The following VPS35L variants were observed in gnomAD, a reference collection of about 807,000 sequenced individuals.
VPS35L encodes the protein VPS35 endosomal protein sorting factor like.
VPS35L carries 83 observed loss-of-function variants against 133.0 expected under a neutral mutation model. The observed-to-expected ratio is 0.62, with a 90% CI of 0.52 to 0.75. The LOEUF (loss-of-function observed/expected upper bound fraction) is 0.75. Ranked by LOEUF, VPS35L falls within the 30% of genes least tolerant of loss-of-function variation. VPS35L has a pLI of 0.00. For synonymous variants in VPS35L, 423 were observed against 449.9 expected (o/e 0.94, Z 0.76); for missense variants, 1,083 against 1,206.8 (o/e 0.90, Z 1.52).
At chr16:19,603,268 T>C (rs1273267081) in intron 9 of VPS35L, among the ~76,000 whole-genome samples, 1 of 152,088 alleles carries the variant, frequency 6.6e-6, no homozygotes, top group South Asian at 2.1e-4. Flanking sequence ...GCCTTGCTCT[T>C]TCTTAGTGCT....
chr16:19,675,803 G>A (rs923045051), intron 27 of VPS35L, among the ~76,000 whole-genome samples: 1 of 149,930 alleles, frequency 6.7e-6, no homozygotes, highest in Non-Finnish European at 1.5e-5. Context: ...GCCCCCCTCC[G>A]CCTCCCAAAG....
At chr16:19,670,732 T>A (rs557840510) in intron 27 of VPS35L, among the ~76,000 whole-genome samples, 1 of 152,234 alleles carries the variant, frequency 6.6e-6, no homozygotes, top group Non-Finnish European at 1.5e-5. Context: ...GCAGGAGGAA[T>A]TCCTGGACCC....
chr16:19,600,069 AG>A (rs1327101828), intron 8 of VPS35L, among the ~76,000 whole-genome samples: 1 of 152,092 alleles, frequency 6.6e-6, no homozygotes, highest in African/African-American at 2.4e-5. Context: ...GTAGATAGGA[AG>A]GTATTTAGGT....
intron 26 of VPS35L, among the ~76,000 whole-genome samples, chr16:19,654,771 A>G (rs1291739724): frequency 6.6e-6 from 1 of 152,144 alleles, no homozygotes; most frequent in African/African-American, 2.4e-5. Flanking sequence ...TACTAGGAAC[A>G]AATTGTGAGC....
At chr16:19,682,482 C>A in intron 28 of VPS35L, 92 bp downstream of exon 28, 1 of 1,386,316 alleles carries the variant, frequency 7.2e-7, no homozygotes, top group Non-Finnish European at 9.8e-7. Flanking sequence ...TTTTTCCTCC[C>A]TTGTATTTTA....
chr16:19,594,569 G>A (rs543901639), intron 8 of VPS35L, among the ~76,000 whole-genome samples: 24 of 146,998 alleles, frequency 1.6e-4, no homozygotes, highest in African/African-American at 5.6e-4. Context: ...GCTTGAACCC[G>A]GGAGGTGGAA....
chr16:19,680,797 C>T (rs947742180), intron 27 of VPS35L, among the ~76,000 whole-genome samples: 2 of 152,032 alleles, frequency 1.3e-5, no homozygotes, highest in African/African-American at 4.8e-5. Context: ...GTAGTCCCAG[C>T]ACCTCAGGAG....
chr16:19,677,308 C>T (rs1346224950), intron 27 of VPS35L, among the ~76,000 whole-genome samples: 1 of 152,118 alleles, frequency 6.6e-6, no homozygotes, highest in Non-Finnish European at 1.5e-5. Flanking sequence ...TGATCTTGAA[C>T]TCCTGACCTC....
chr16:19,677,553 C>T (rs938285470), intron 27 of VPS35L, among the ~76,000 whole-genome samples: 2 of 152,084 alleles, frequency 1.3e-5, no homozygotes, highest in African/African-American at 2.4e-5. Flanking sequence ...CATTCTGGGC[C>T]GAGGACACAG....
intron 3 of VPS35L, among the ~76,000 whole-genome samples, chr16:19,572,645 C>G (rs763979168): frequency 9.9e-5 from 15 of 152,042 alleles, no homozygotes; most frequent in Non-Finnish European, 2.1e-4. Flanking sequence ...TGAGTTTGAG[C>G]ATTTTTTGAT....
intron 5 of VPS35L, among the ~76,000 whole-genome samples, chr16:19,577,911 G>T (rs1971585365): frequency 6.6e-6 from 1 of 152,188 alleles, no homozygotes; most frequent in East Asian, 1.9e-4. Context: ...CAGCCTTTAG[G>T]ACTGCGAGAA....
In VPS35L at chr16:19,633,035, T is replaced by C; in HGVS notation, c.1555-57T>C. 7.4e-7 allele frequency: 1 copy of C among 1,345,340 alleles called. No homozygotes were observed. Among genetic ancestry groups the C allele is most frequent in the Non-Finnish European group, 1.1e-6 (1 of 936,258 alleles). 83.3% of individuals were successfully genotyped at this position (1,345,340 alleles called of 1,614,324 possible). Reference sequence around the variant, plus strand: ...ACGTTAGTCCTTTCCCCCAGGAACATGGTCAGCAGTTGCCATACAGTGTCT... The same window carrying C: ...ACGTTAGTCCTTTCCCCCAGGAACACGGTCAGCAGTTGCCATACAGTGTCT... On this transcript the variant is annotated intron_variant, in intron 18 of 30. Transcript: ENST00000417362. The surrounding 1 kb of genome is among the most constrained non-coding windows in gnomAD (Gnocchi z 4.1).
At position 19,659,018 on chromosome 16, in the gene VPS35L, T is replaced by A. The variant is rs954995597; in HGVS notation, c.2221+6928T>A. ...TCTGGATTTAACCACTGTGCCTCTCTATATTAGGTTAGTTCTTCTATATCA... is the reference window on the plus strand; with the variant it reads ...TCTGGATTTAACCACTGTGCCTCTCAATATTAGGTTAGTTCTTCTATATCA... On this transcript the variant is annotated intron_variant, in intron 26 of 30. Coordinates refer to ENST00000417362, the MANE Select transcript of VPS35L (RefSeq NM_020314.7). Among the ~76,000 whole-genome samples the A allele has an allele frequency of 2.6e-4, 39 of 152,230 alleles. 1 individual carries two copies. The highest frequency in any genetic ancestry group is 1.2e-4 in the Non-Finnish European group (8 of 68,040).
chr16:19,556,674 G>C (rs544263648), intron 1 of VPS35L, among the ~76,000 whole-genome samples: 1 of 152,300 alleles, frequency 6.6e-6, no homozygotes, highest in East Asian at 1.9e-4. Flanking sequence ...GAAATAATCA[G>C]GTACAACCTT....
At chr16:19,662,539 G>A (rs1022720812) in intron 26 of VPS35L, among the ~76,000 whole-genome samples, 1 of 152,144 alleles carries the variant, frequency 6.6e-6, no homozygotes, top group East Asian at 1.9e-4. Context: ...CAAAGGTCTC[G>A]AGTAAACACC....
intron 4 of VPS35L, 64 bp downstream of exon 4, chr16:19,573,305 G>A: frequency 6.5e-7 from 1 of 1,531,740 alleles, no homozygotes; most frequent in Non-Finnish European, 8.9e-7. Flanking sequence ...TTTTTGTTAT[G>A]TTGCTTCAAC....
At chr16:19,697,128 C>T (rs1395792778) in intron 29 of VPS35L, among the ~76,000 whole-genome samples, 1 of 152,190 alleles carries the variant, frequency 6.6e-6, no homozygotes, top group Non-Finnish European at 1.5e-5. Flanking sequence ...TGCCAAAGCG[C>T]TTTTCTCTTG....
At chr16:19,624,542 G>A (rs1054117663) in intron 14 of VPS35L, among the ~76,000 whole-genome samples, 6 of 152,040 alleles carry the variant, frequency 3.9e-5, no homozygotes, top group Admixed American at 6.6e-5. Context: ...CCGAGATCGC[G>A]TCACTGCACT....
intron 18 of VPS35L, among the ~76,000 whole-genome samples, chr16:19,630,996 G>C (rs1334087440): frequency 6.6e-6 from 1 of 151,866 alleles, no homozygotes; most frequent in Non-Finnish European, 1.5e-5. Context: ...GCGACAGAGT[G>C]AGACTCTGTC....
Sources: gnomAD v4.1 joint callset for allele counts (sites outside exome capture counted in the v4.1 genomes callset) on GRCh38, gnomAD v4.1.1 for gene constraint, Gnocchi (gnomAD v3.1) non-coding constraint, MANE v1.5 for transcripts, NCBI Gene and HGNC (gene_info 2026-07-23, HGNC 2026-07-21) for gene names.